Variants in ENOPH1 observed in about 807,000 individuals in gnomAD.
ENOPH1 encodes the protein enolase-phosphatase 1.
Under a neutral mutation model 31.1 loss-of-function variants are expected in ENOPH1, and 14 were observed. That is an observed-to-expected ratio of 0.45 (90% CI 0.30 to 0.70). The LOEUF is 0.70. ENOPH1 is among the 30% of genes least tolerant of loss of function. ENOPH1 has a pLI of 0.09. For missense variants in ENOPH1, 243 were observed against 321.5 expected, an observed-to-expected ratio of 0.76 and a Z score of 1.87; for synonymous variants, 127 against 123.2, an observed-to-expected ratio of 1.03 and a Z score of -0.21.
At chr4:82,452,489 A>G (rs1319641088) in intron 3 of ENOPH1, among the ~76,000 whole-genome samples, 2 of 151,840 alleles carry the variant, frequency 1.3e-5, no homozygotes, top group Non-Finnish European at 2.9e-5. Flanking sequence ...ATGGGGTTTC[A>G]CCATATTGGC....
chr4:82,449,222 A>G (rs1283118178), intron 2 of ENOPH1, among the ~76,000 whole-genome samples: 1 of 152,224 alleles, frequency 6.6e-6, no homozygotes, highest in Non-Finnish European at 1.5e-5. Context: ...CCTGGGCTAC[A>G]GAGCAAGACT....
intron 1 of ENOPH1, among the ~76,000 whole-genome samples, chr4:82,441,317 C>T (rs777789696): frequency 6.6e-6 from 1 of 152,128 alleles, no homozygotes; most frequent in East Asian, 1.9e-4. Flanking sequence ...TTCAAGGGAG[C>T]TCCCCTTTAT....
At chr4:82,451,679 C>T (rs922104895) in intron 3 of ENOPH1, among the ~76,000 whole-genome samples, 5 of 152,238 alleles carry the variant, frequency 3.3e-5, no homozygotes, top group Middle Eastern at 3.2e-3. Flanking sequence ...CGCACTACCA[C>T]GTTCTTCTTT....
chr4:82,430,680 C>G lies in ENOPH1; in HGVS notation c.-150C>G. On this transcript the variant is annotated 5_prime_UTR_variant, in exon 1 of 6. Transcript: ENST00000273920. The stretch of plus-strand genomic sequence containing the variant: ...CCAGGTGTGCAGAAGTGTCCTCTCC[C>G]CACGCGCGGCGGGCTGCACTTGGTC... 1 of 655,736 alleles carries G rather than the reference C, an allele frequency of 1.5e-6. No individual in the cohort carries two copies. The highest frequency in any genetic ancestry group is 2.6e-6 in the Non-Finnish European group (1 of 379,394). The allele number at this position is 655,736 out of a possible 1,614,324, so 40.6% of individuals were successfully genotyped here. A position where few individuals can be genotyped will look rare whatever the true frequency, so the allele number is the denominator to read the frequency against.
At position 82,456,768 on chromosome 4, in the gene ENOPH1, A is replaced by G. The variant is rs536300059; in HGVS notation, c.523-147A>G. 1.2e-4 allele frequency: 107 copies of G among 892,036 alleles called. No individual in the cohort carries two copies. The East Asian group carries it at 2.8e-3, about 23-fold the overall frequency. 55.3% of individuals were successfully genotyped at this position (892,036 alleles called of 1,614,324 possible). A position where few individuals can be genotyped will look rare whatever the true frequency, so the allele number is the denominator to read the frequency against. On this transcript the variant is annotated intron_variant, in intron 4 of 5. Transcript: ENST00000273920. ...TATAAAATCTTTATTTTTACTTTGT[A>G]TAGCCTCCATAAAGTTCCCTATTAA...
At chr4:82,453,144 G>GC (rs1048630686) in intron 3 of ENOPH1, among the ~76,000 whole-genome samples, 28 of 150,672 alleles carry the variant, frequency 1.9e-4, no homozygotes, top group African/African-American at 3.9e-4. Context: ...CTTGTGATCC[G>GC]CCCCCCCTTG....
At chr4:82,432,322 A>C (rs141266330) in intron 1 of ENOPH1, among the ~76,000 whole-genome samples, 8 of 152,080 alleles carry the variant, frequency 5.3e-5, no homozygotes, top group African/African-American at 1.9e-4. Context: ...TTCAGAAGAA[A>C]TCGAGTTTAG....
At chr4:82,441,071 G>A (rs756684462) in intron 1 of ENOPH1, among the ~76,000 whole-genome samples, 1 of 152,184 alleles carries the variant, frequency 6.6e-6, no homozygotes, top group Admixed American at 6.5e-5. Context: ...TCTGGCAGAT[G>A]GCATGGACCA....
intron 4 of ENOPH1, 115 bp downstream of exon 4, chr4:82,454,969 A>T: frequency 1.0e-6 from 1 of 953,586 alleles, no homozygotes; most frequent in Non-Finnish European, 1.6e-6. Flanking sequence ...GTTGTTTAAA[A>T]TTAGGTAAGA....
intron 4 of ENOPH1, among the ~76,000 whole-genome samples, chr4:82,456,424 G>T (rs750219139): frequency 1.3e-5 from 2 of 152,210 alleles, no homozygotes; most frequent in South Asian, 4.1e-4. Flanking sequence ...AGACATAGAC[G>T]AGCCCTTGGG....
rs756936574 is a variant in ENOPH1, at chr4:82,461,122, A to T, written c.*1002A>T. On this transcript the variant is annotated 3_prime_UTR_variant, in exon 6 of 6. Coordinates refer to ENST00000273920, the MANE Select transcript of ENOPH1 (RefSeq NM_021204.5). ...ATATAGGTTCCTGAACTCTATCCACATGCCGCCATAGCAAAAGAGAAACTG... is the reference window on the plus strand; with the variant it reads ...ATATAGGTTCCTGAACTCTATCCACTTGCCGCCATAGCAAAAGAGAAACTG... 3.9e-5 allele frequency: 6 copies of T among 152,198 alleles called. No individual in the cohort carries two copies. The highest frequency in any genetic ancestry group is 7.4e-5 in the Non-Finnish European group (5 of 68,024). The allele number at this position is 152,198 out of a possible 1,614,324, so 9.4% of individuals were successfully genotyped here.
At chr4:82,452,607 G>A (rs1446900451) in intron 3 of ENOPH1, among the ~76,000 whole-genome samples, 1 of 151,516 alleles carries the variant, frequency 6.6e-6, no homozygotes, top group Non-Finnish European at 1.5e-5. Flanking sequence ...TTTGTTTTTG[G>A]AGATAGTCTC....
intron 1 of ENOPH1, 104 bp from the exon 2 acceptor site, chr4:82,447,816 A>G: frequency 3.5e-6 from 2 of 579,080 alleles, no homozygotes; most frequent in South Asian, 3.1e-5. Flanking sequence ...ATAGAGTTCC[A>G]TTGATTTATT....
chr4:82,437,102 A>G (rs1721924870), intron 1 of ENOPH1, among the ~76,000 whole-genome samples: 1 of 152,204 alleles, frequency 6.6e-6, no homozygotes, highest in African/African-American at 2.4e-5. Context: ...TTATAAAAAA[A>G]GAAAGCACCT....
intron 1 of ENOPH1, among the ~76,000 whole-genome samples, chr4:82,441,257 A>T (rs1471016140): frequency 6.6e-6 from 1 of 152,192 alleles, no homozygotes; most frequent in Non-Finnish European, 1.5e-5. Context: ...TGGTGGAAGA[A>T]GAAGGAAGAG....
chr4:82,460,775 A>ATC lies in ENOPH1; in HGVS notation c.*657_*658dup, dbSNP rs1470183988. 6.6e-6 allele frequency: 1 copy of ATC among 152,292 alleles called. No homozygotes were observed. Among genetic ancestry groups the ATC allele is most frequent in the African/African-American group, 2.4e-5 (1 of 41,470 alleles). The allele number at this position is 152,292 out of a possible 1,614,324, so 9.4% of individuals were successfully genotyped here. Reference sequence around the variant, plus strand: ...AGTGAAAAAGGTGCACTGAGGTAACATCTAAAACAGAGATGTGGTTCTTAA... The same window carrying ATC: ...AGTGAAAAAGGTGCACTGAGGTAACATCTCTAAAACAGAGATGTGGTTCTTAA... On this transcript the variant is annotated 3_prime_UTR_variant, in exon 6 of 6. Transcript: ENST00000273920.
In ENOPH1 at chr4:82,460,760, G is replaced by A. The variant is rs763934804; in HGVS notation, c.*640G>A. 2 of 152,264 alleles carry A rather than the reference G, an allele frequency of 1.3e-5. No homozygotes were observed. The highest frequency in any genetic ancestry group is 2.9e-5 in the Non-Finnish European group (2 of 68,076). The allele number at this position is 152,264 out of a possible 1,614,324, so 9.4% of individuals were successfully genotyped here. A position where few individuals can be genotyped will look rare whatever the true frequency, so the allele number is the denominator to read the frequency against. On this transcript the variant is annotated 3_prime_UTR_variant, in exon 6 of 6. Transcript: ENST00000273920. ...AGCAGTTGCCTTACCAGTGAAAAAG[G>A]TGCACTGAGGTAACATCTAAAACAG... is the stretch of plus-strand genomic sequence containing the variant.
chr4:82,443,589 G>T (rs546686642), intron 1 of ENOPH1, among the ~76,000 whole-genome samples: 1 of 147,956 alleles, frequency 6.8e-6, no homozygotes, highest in East Asian at 2.0e-4. Context: ...TTGGCCGGGC[G>T]TGGTGGCGGG....
chr4:82,460,246 T>C lies in ENOPH1; in HGVS notation c.*126T>C, dbSNP rs1722611930. On this transcript the variant is annotated 3_prime_UTR_variant, in exon 6 of 6. Coordinates refer to ENST00000273920, the MANE Select transcript of ENOPH1 (RefSeq NM_021204.5). ...ACACATATGTATGCAAGTATGTATA[T>C]ATGTGTATGCTCAGATTAACTTCCA... The C allele has an allele frequency of 1.1e-6, 1 of 922,448 alleles. No individual in the cohort carries two copies. Among genetic ancestry groups the C allele is most frequent in the Non-Finnish European group, 1.7e-6 (1 of 604,648 alleles). 57.1% of individuals were successfully genotyped at this position (922,448 alleles called of 1,614,324 possible).
Sources: allele counts gnomAD v4.1 joint callset (sites outside exome capture counted in the v4.1 genomes callset), GRCh38; gene constraint gnomAD v4.1.1; transcripts MANE v1.5; gene names NCBI Gene and HGNC (gene_info 2026-07-23, HGNC 2026-07-21).